RFX7: variants seen among roughly 807,000 people sequenced by gnomAD.
The protein encoded by RFX7 is DNA-binding protein RFX7.
A neutral mutation model predicts 111.8 loss-of-function variants in RFX7; 26 were observed. The observed-to-expected ratio is 0.23, with a 90% CI of 0.17 to 0.32. The LOEUF is 0.32. Among genes scored for constraint, RFX7 ranks in the 10% least tolerant of loss-of-function variants. The pLI, the probability that RFX7 is intolerant of heterozygous loss-of-function variation, is 1.00. For missense variants in RFX7, 1,573 were observed against 1,772.9 expected, an observed-to-expected ratio of 0.89 and a Z score of 2.02; for synonymous variants, 624 against 624.4, an observed-to-expected ratio of 1.00 and a Z score of 0.01.
intron 3 of RFX7, among the ~76,000 whole-genome samples, chr15:56,154,431 A>G (rs561115974): frequency 2.4e-4 from 36 of 152,314 alleles, no homozygotes; most frequent in African/African-American, 8.4e-4. Context: ...GCCAAAACAA[A>G]TATACAGACC....
chr15:56,182,318 T>C (rs1409271042), intron 2 of RFX7, among the ~76,000 whole-genome samples: 2 of 152,094 alleles, frequency 1.3e-5, no homozygotes, highest in Admixed American at 1.3e-4. Flanking sequence ...TAAAGAAAAT[T>C]GAAAGCCCTT....
rs536241834 is a variant in RFX7, at chr15:56,089,521, G to A, written c.*3824C>T. 1.3e-5 allele frequency: 2 copies of A among 152,122 alleles called. No homozygotes were observed. Among genetic ancestry groups the A allele is most frequent in the South Asian group, 2.1e-4 (1 of 4,812 alleles). The allele number at this position is 152,122 out of a possible 1,614,324, so 9.4% of individuals were successfully genotyped here. ...ATTACTTGAAACCAAAATCACCTCA[G>A]GTGTTACACAGTATTTTCACCCCCA... On this transcript the variant is annotated 3_prime_UTR_variant, in exon 10 of 10. Coordinates refer to ENST00000559447, the MANE Select transcript of RFX7 (RefSeq NM_022841.7).
intron 3 of RFX7, among the ~76,000 whole-genome samples, chr15:56,150,449 C>A (rs1416427752): frequency 6.6e-6 from 1 of 152,184 alleles, no homozygotes; most frequent in African/African-American, 2.4e-5. Context: ...TGGGTCGCAG[C>A]TTCCAGAGGA....
chr15:56,162,441 T>C (rs552865493), intron 3 of RFX7, among the ~76,000 whole-genome samples: 43 of 152,264 alleles, frequency 2.8e-4, no homozygotes, highest in African/African-American at 1.0e-3. Context: ...ATTCTTTGAA[T>C]ATAAACATAT....
In RFX7 at chr15:56,144,482, T is replaced by C. The variant is rs1485032189; in HGVS notation, c.197A>G (p.Gln66Arg). ...TAGGTCTGTAAACTTCTCAACTTCTTGCTATTTACAAAGGATTAAAAAGAA... is the reference window on the plus strand; with the variant it reads ...TAGGTCTGTAAACTTCTCAACTTCTCGCTATTTACAAAGGATTAAAAAGAA... Reference protein sequence around the residue: ...TVQSKVDCILQEVEKFTDLEK... With the variant: ...TVQSKVDCILREVEKFTDLEK... Residue 66 changes from glutamine to arginine, a missense_variant and splice_region_variant, in exon 4 of 10, where the codon CAA (glutamine) becomes CGA (arginine). Gln to Arg is a conservative substitution (Grantham distance 43). Around this residue, in one of 7 missense-constraint regions of RFX7, gnomAD observed 191 missense variants for 194.2 expected, o/e 0.98. Coordinates refer to ENST00000559447, the MANE Select transcript of RFX7 (RefSeq NM_022841.7). 1.5e-6 allele frequency: 2 copies of C among 1,359,210 alleles called. No individual in the cohort carries two copies. Among genetic ancestry groups the C allele is most frequent in the Non-Finnish European group, 2.0e-6 (2 of 1,014,836 alleles). The allele number at this position is 1,359,210 out of a possible 1,614,324, so 84.2% of individuals were successfully genotyped here.
intron 3 of RFX7, among the ~76,000 whole-genome samples, chr15:56,146,881 A>G (rs1297129052): frequency 6.6e-6 from 1 of 152,238 alleles, no homozygotes; most frequent in Non-Finnish European, 1.5e-5. Context: ...ACTCAAGTGT[A>G]TAGTGATGGC....
At chr15:56,239,812 T>C (rs1213167314) in intron 2 of RFX7, among the ~76,000 whole-genome samples, 1 of 152,072 alleles carries the variant, frequency 6.6e-6, no homozygotes, top group African/African-American at 2.4e-5. Context: ...ACCATCTCAA[T>C]CCTATTTTTT....
intron 2 of RFX7, among the ~76,000 whole-genome samples, chr15:56,197,842 T>A (rs2043159642): frequency 6.6e-6 from 1 of 152,192 alleles, no homozygotes; most frequent in Non-Finnish European, 1.5e-5. Flanking sequence ...GATTCTGGAA[T>A]GCTAGAGGTA....
intron 2 of RFX7, among the ~76,000 whole-genome samples, chr15:56,228,701 A>T (rs1282382101): frequency 2.6e-5 from 4 of 152,198 alleles, no homozygotes; most frequent in Admixed American, 2.6e-4. Flanking sequence ...ATTCAAAAAC[A>T]TTAAAATTAT....
At chr15:56,241,735 CA>C (rs2043691813) in intron 2 of RFX7, among the ~76,000 whole-genome samples, 2 of 152,118 alleles carry the variant, frequency 1.3e-5, no homozygotes, top group Non-Finnish European at 1.5e-5. Flanking sequence ...CACACACACA[CA>C]CACCCCAATC....
intron 3 of RFX7, among the ~76,000 whole-genome samples, chr15:56,158,055 C>A: frequency 6.6e-6 from 1 of 152,098 alleles, no homozygotes; most frequent in Non-Finnish European, 1.5e-5. Flanking sequence ...AAGTCTCCTA[C>A]TGACAAATTA....
intron 2 of RFX7, among the ~76,000 whole-genome samples, chr15:56,201,610 T>C (rs2043193431): frequency 6.6e-6 from 1 of 152,234 alleles, no homozygotes; most frequent in Admixed American, 6.5e-5. Context: ...TAGATACGTC[T>C]AGATTTTTCA....
At chr15:56,215,202 A>G (rs1042976132) in intron 2 of RFX7, among the ~76,000 whole-genome samples, 1 of 152,176 alleles carries the variant, frequency 6.6e-6, no homozygotes, top group Non-Finnish European at 1.5e-5. Flanking sequence ...AATCAATACA[A>G]TGTAAGTGCT....
chr15:56,208,182 C>A (rs2043274519), intron 2 of RFX7, among the ~76,000 whole-genome samples: 1 of 152,166 alleles, frequency 6.6e-6, no homozygotes, highest in Non-Finnish European at 1.5e-5. Flanking sequence ...GTGAAATATG[C>A]CAAAGCATTC....
At chr15:56,136,603 T>G (rs558130812) in intron 5 of RFX7, among the ~76,000 whole-genome samples, 234 of 151,796 alleles carry the variant, frequency 1.5e-3, no homozygotes, top group African/African-American at 5.3e-3. Context: ...TTGAATACCC[T>G]TTATTTCCTT....
intron 2 of RFX7, among the ~76,000 whole-genome samples, chr15:56,233,630 A>T (rs1375146427): frequency 1.3e-5 from 2 of 152,246 alleles, no homozygotes; most frequent in Non-Finnish European, 2.9e-5. Context: ...TCTACTATCA[A>T]AAGAATTAGA....
chr15:56,189,822 G>T (rs1308897946), intron 2 of RFX7: 4 of 152,178 alleles, frequency 2.6e-5, no homozygotes, highest in African/African-American at 9.7e-5. Context: ...TTAGCATTTA[G>T]ACATAAACCT....
Position 56,243,458 on chromosome 15 carries a change from T to C in RFX7, c.-16A>G. The C allele has an allele frequency of 1.0e-6, 1 of 982,904 alleles. No individual in the cohort carries two copies. The highest frequency in any genetic ancestry group is 1.2e-6 in the Non-Finnish European group (1 of 829,072). The allele number at this position is 982,904 out of a possible 1,614,324, so 60.9% of individuals were successfully genotyped here. ...CTAGGCCTTTACCCCAGGGCTCGAG[T>C]GAGTCGCTTTCGCCTGCCGCCTGGG... On this transcript the variant is annotated 5_prime_UTR_variant, in exon 1 of 10. Transcript: ENST00000559447.
chr15:56,233,571 A>G (rs2045842383), intron 2 of RFX7, among the ~76,000 whole-genome samples: 1 of 152,228 alleles, frequency 6.6e-6, no homozygotes, highest in Non-Finnish European at 1.5e-5. Context: ...GAGAAAAATA[A>G]AAGATGAAAC....
Sources: gnomAD v4.1 joint callset for allele counts (sites outside exome capture counted in the v4.1 genomes callset) on GRCh38, gnomAD v4.1.1 for gene constraint, gnomAD v4.1.1 regional missense constraint, MANE v1.5 for transcripts, NCBI Gene and HGNC (gene_info 2026-07-23, HGNC 2026-07-21) for gene names.